NOS1AP: variants seen among roughly 807,000 people sequenced by gnomAD.
The protein encoded by NOS1AP is nitric oxide synthase 1 adaptor protein, also known as carboxyl-terminal PDZ ligand of neuronal nitric oxide synthase protein.
NOS1AP carries 21 observed loss-of-function variants against 56.2 expected under a neutral mutation model. That is an observed-to-expected ratio of 0.37 (90% confidence interval 0.26 to 0.54). The LOEUF (loss-of-function observed/expected upper bound fraction) is 0.54. NOS1AP is among the 20% of genes least tolerant of loss of function. The probability of loss-of-function intolerance (pLI) is 0.84; values close to 1 mark genes in which losing one functional copy is unlikely to be tolerated. For synonymous variants in NOS1AP, 270 were observed against 274.6 expected, an observed-to-expected ratio of 0.98 and a Z score of 0.17; for missense variants, 522 against 657.8, an observed-to-expected ratio of 0.79 and a Z score of 2.26.
At position 162,276,934 on chromosome 1, in the gene NOS1AP, G is replaced by C. The variant is rs146658411; in HGVS notation, c.178-10410G>C. On this transcript the variant is annotated intron_variant, in intron 2 of 9. Transcript: ENST00000361897. ...ACATATATAATTGGTAGGAATCATT[G>C]AATGTTAGCACTGAAAGAAACCTTA... 9.7e-3 allele frequency among the ~76,000 whole-genome samples: 1,484 copies of C among 152,224 alleles called. 25 individuals carry two copies. Among genetic ancestry groups the C allele is most frequent in the Non-Finnish European group, 0.013 (908 of 68,014 alleles).
chr1:162,326,453 G>T (rs115292973), intron 4 of NOS1AP, among the ~76,000 whole-genome samples: 7,481 of 152,202 alleles, frequency 0.049, 515 homozygotes, highest in African/African-American at 0.15. Flanking sequence ...TATATGTGTG[G>T]GTGTGCATGC....
intron 2 of NOS1AP, among the ~76,000 whole-genome samples, chr1:162,199,941 C>T (rs1651938987): frequency 6.6e-6 from 1 of 152,096 alleles, no homozygotes; most frequent in Admixed American, 6.5e-5. Context: ...GCTGATGCAC[C>T]TTTGCTTTGT....
chr1:162,173,031 C>T (rs1650876130), intron 2 of NOS1AP, among the ~76,000 whole-genome samples: 2 of 152,048 alleles, frequency 1.3e-5, no homozygotes, highest in South Asian at 4.2e-4. Context: ...AAGTGATCCT[C>T]CCACTGCACA....
intron 2 of NOS1AP, among the ~76,000 whole-genome samples, chr1:162,268,137 T>C (rs1654481770): frequency 6.6e-6 from 1 of 151,844 alleles, no homozygotes. Flanking sequence ...CGTGTGCCTG[T>C]AATCCCAGCT....
intron 2 of NOS1AP, among the ~76,000 whole-genome samples, chr1:162,277,839 A>G (rs1464146736): frequency 6.6e-6 from 1 of 152,210 alleles, no homozygotes; most frequent in Non-Finnish European, 1.5e-5. Flanking sequence ...CTCAGTCTAT[A>G]TAGTGATTTC....
intron 5 of NOS1AP, among the ~76,000 whole-genome samples, chr1:162,340,983 C>G (rs1657091228): frequency 6.6e-6 from 1 of 152,056 alleles, no homozygotes; most frequent in African/African-American, 2.4e-5. Flanking sequence ...TCTTAAGATG[C>G]TCAGTTCTGA....
chr1:162,309,374 G>T (rs1040276568), intron 4 of NOS1AP, among the ~76,000 whole-genome samples: 2 of 152,146 alleles, frequency 1.3e-5, no homozygotes, highest in African/African-American at 4.8e-5. Context: ...CCAGCTGAAG[G>T]GGAAAAATAT....
At chr1:162,253,513 GA>G (rs1557850397) in intron 2 of NOS1AP, among the ~76,000 whole-genome samples, 1 of 152,036 alleles carries the variant, frequency 6.6e-6, no homozygotes, top group East Asian at 1.9e-4. Context: ...GAAAAATGAG[GA>G]AAAAAGCTCT....
chr1:162,289,429 C>A (rs1655210413), intron 3 of NOS1AP, among the ~76,000 whole-genome samples: 1 of 148,256 alleles, frequency 6.7e-6, no homozygotes, highest in African/African-American at 2.5e-5. Flanking sequence ...TCCCGAGTAG[C>A]TGTGATTACT....
At chr1:162,345,157 T>G (rs1016471294) in intron 6 of NOS1AP, among the ~76,000 whole-genome samples, 1 of 152,140 alleles carries the variant, frequency 6.6e-6, no homozygotes, top group Non-Finnish European at 1.5e-5. Context: ...TCTTTTCTTT[T>G]TTTCTTTTAT....
chr1:162,223,054 C>T (rs759247927), intron 2 of NOS1AP, among the ~76,000 whole-genome samples: 1 of 152,130 alleles, frequency 6.6e-6, no homozygotes, highest in Non-Finnish European at 1.5e-5. Flanking sequence ...TGTTCAAAGA[C>T]GTTGTAACAT....
At chr1:162,355,680 G>GCGCA (rs111791301) in intron 7 of NOS1AP, among the ~76,000 whole-genome samples, 4 of 150,876 alleles carry the variant, frequency 2.7e-5, no homozygotes, top group Non-Finnish European at 5.9e-5. Flanking sequence ...GCTCACTCTG[G>GCGCA]CACACACACA....
At position 162,370,275 on chromosome 1, in the gene NOS1AP, T is replaced by C. The variant is rs935207331; in HGVS notation, c.*2808T>C. ...CTCTCAACTGATCTTGTTTAGGCGT[T>C]GTATTCCTTTTATTTACTCTTTGCT... On this transcript the variant is annotated 3_prime_UTR_variant, in exon 10 of 10. Transcript: ENST00000361897. 6.6e-6 allele frequency: 1 copy of C among 152,222 alleles called. No homozygotes were observed. The highest frequency in any genetic ancestry group is 1.5e-5 in the Non-Finnish European group (1 of 68,052). The allele number at this position is 152,222 out of a possible 1,614,324, so 9.4% of individuals were successfully genotyped here. A position where few individuals can be genotyped will look rare whatever the true frequency, so the allele number is the denominator to read the frequency against.
chr1:162,351,214 C>T (rs1657484090), intron 6 of NOS1AP, among the ~76,000 whole-genome samples: 1 of 152,136 alleles, frequency 6.6e-6, no homozygotes, highest in African/African-American at 2.4e-5. Flanking sequence ...TAGTGCAGTG[C>T]CTGAAGCATA....
At chr1:162,307,845 A>G (rs1045410734) in intron 4 of NOS1AP, among the ~76,000 whole-genome samples, 2 of 152,058 alleles carry the variant, frequency 1.3e-5, no homozygotes, top group Admixed American at 6.6e-5. Flanking sequence ...TTAGAAGTCT[A>G]TTCCAACTTT....
intron 6 of NOS1AP, among the ~76,000 whole-genome samples, chr1:162,353,030 T>C (rs1657572094): frequency 6.6e-6 from 1 of 151,178 alleles, no homozygotes; most frequent in East Asian, 1.9e-4. Flanking sequence ...CCTGCACATA[T>C]CCCCACCCCC....
At chr1:162,251,330 C>T (rs1653840881) in intron 2 of NOS1AP, among the ~76,000 whole-genome samples, 2 of 152,094 alleles carry the variant, frequency 1.3e-5, no homozygotes, top group South Asian at 4.1e-4. Flanking sequence ...CCCGCAGCCC[C>T]TGATCCCCAT....
At chr1:162,198,672 A>G (rs943871741) in intron 2 of NOS1AP, among the ~76,000 whole-genome samples, 4 of 152,224 alleles carry the variant, frequency 2.6e-5, no homozygotes, top group Non-Finnish European at 5.9e-5. Context: ...CCTCTGACTC[A>G]AATTTAATCC....
intron 4 of NOS1AP, among the ~76,000 whole-genome samples, chr1:162,320,988 C>T (rs1481783802): frequency 6.6e-6 from 1 of 152,086 alleles, no homozygotes; most frequent in Non-Finnish European, 1.5e-5. Flanking sequence ...GGTACACAGT[C>T]CTTTAAAAAG....
Sources: allele counts gnomAD v4.1 joint callset (sites outside exome capture counted in the v4.1 genomes callset), GRCh38; gene constraint gnomAD v4.1.1; transcripts MANE v1.5; gene names NCBI Gene and HGNC (gene_info 2026-07-23, HGNC 2026-07-21).